HEG1: variants seen among roughly 807,000 people sequenced by gnomAD.
HEG1 encodes the protein heart development protein with EGF like domains 1.
HEG1 carries 56 observed loss-of-function variants against 125.6 expected under a neutral mutation model. That is an observed-to-expected ratio of 0.45 (90% CI 0.36 to 0.56). The LOEUF is 0.56. HEG1 is among the 20% of genes least tolerant of loss of function. The pLI, the probability that HEG1 is intolerant of heterozygous loss-of-function variation, is 0.00. For synonymous variants in HEG1, 644 were observed against 668.5 expected, an observed-to-expected ratio of 0.96 and a Z score of 0.57; for missense variants, 1,523 against 1,670.0, an observed-to-expected ratio of 0.91 and a Z score of 1.53.
intron 12 of HEG1, among the ~76,000 whole-genome samples, chr3:124,992,338 C>T (rs1432869503): frequency 6.6e-6 from 1 of 152,076 alleles, no homozygotes; most frequent in African/African-American, 2.4e-5. Context: ...AGAACATTTT[C>T]AACACAACAA....
rs1190258593 is a variant in HEG1, at chr3:124,977,880, G to A, written c.3800C>T (p.Ala1267Val). The change falls in exon 15 of 17, where the codon GCA (alanine) becomes GTA (valine). Residue 1267 changes from alanine (A) to valine (V), a missense_variant. Physicochemically the swap from Ala to Val is moderately conservative, Grantham distance 64. Coordinates refer to ENST00000311127, the MANE Select transcript of HEG1 (RefSeq NM_020733.2). ...GGGLLLILGI[A>V]LIVTCCRKNK... The stretch of plus-strand genomic sequence containing the variant: ...TTACCTGCAACAGGTAACAATCAGT[G>A]CGATGCCTAGGATGAGCAGGAGCCC... 1.3e-6 allele frequency: 2 copies of A among 1,575,326 alleles called. No individual in the cohort carries two copies. The highest frequency in any genetic ancestry group is 2.3e-5 in the South Asian group (2 of 85,396).
chr3:125,034,059 A>G (rs954734429), intron 1 of HEG1, among the ~76,000 whole-genome samples: 10 of 151,882 alleles, frequency 6.6e-5, no homozygotes, highest in African/African-American at 2.4e-4. Context: ...TATATCTCCA[A>G]TACACACACA....
At chr3:125,051,820 T>A (rs1374511514) in intron 1 of HEG1, among the ~76,000 whole-genome samples, 2 of 152,208 alleles carry the variant, frequency 1.3e-5, no homozygotes, top group South Asian at 2.1e-4. Context: ...TCTTTCTGAG[T>A]GTCTCTGGAC....
In HEG1 at chr3:125,055,806, C is replaced by G. The variant is rs1470305508; in HGVS notation, c.85G>C (p.Gly29Arg). The G allele has an allele frequency of 1.0e-6, 1 of 983,078 alleles. No homozygotes were observed. The highest frequency in any genetic ancestry group is 1.2e-6 in the Non-Finnish European group (1 of 829,080). The allele number at this position is 983,078 out of a possible 1,614,324, so 60.9% of individuals were successfully genotyped here. A position where few individuals can be genotyped will look rare whatever the true frequency, so the allele number is the denominator to read the frequency against. The change falls in exon 1 of 17, where the codon GGG becomes CGG. Residue 29 changes from glycine to arginine, a missense_variant. By Grantham distance (125) the Gly-to-Arg change is moderately radical. Coordinates refer to ENST00000311127, the MANE Select transcript of HEG1 (RefSeq NM_020733.2). ...PLLLLPPAAP[G>R]TRDPPPSPAR... The stretch of plus-strand genomic sequence containing the variant: ...GGGGAAGGCGGCGGGTCCCGCGTCC[C>G]GGGGGCCGCCGGCGGCAGCAGCAGC...
chr3:125,019,094 C>T (rs1036315522), intron 5 of HEG1, among the ~76,000 whole-genome samples, 168 bp downstream of exon 5: 2 of 152,088 alleles, frequency 1.3e-5, no homozygotes, highest in Non-Finnish European at 2.9e-5. Context: ...TCTTGAACCC[C>T]TCACCTCAGA....
chr3:125,040,336 A>C (rs916306234), intron 1 of HEG1, among the ~76,000 whole-genome samples: 6 of 152,178 alleles, frequency 3.9e-5, no homozygotes, highest in Non-Finnish European at 7.3e-5. Flanking sequence ...CGCAGATGAC[A>C]AGGGAAGGAT....
At chr3:125,044,648 C>G (rs1467958263) in intron 1 of HEG1, among the ~76,000 whole-genome samples, 1 of 152,066 alleles carries the variant, frequency 6.6e-6, no homozygotes, top group Non-Finnish European at 1.5e-5. Flanking sequence ...AAAACTGGAT[C>G]CAAACCCAGG....
intron 3 of HEG1, among the ~76,000 whole-genome samples, chr3:125,024,609 A>C (rs1937388947): frequency 6.6e-6 from 1 of 152,260 alleles, no homozygotes; most frequent in Admixed American, 6.5e-5. Context: ...TCTCTTTTTA[A>C]AAATCTGATT....
At chr3:125,034,508 T>C (rs1327571562) in intron 1 of HEG1, among the ~76,000 whole-genome samples, 6 of 152,182 alleles carry the variant, frequency 3.9e-5, no homozygotes, top group Admixed American at 3.9e-4. Context: ...TAGAAAATAA[T>C]TATAATTCAC....
Position 125,012,737 on chromosome 3 carries a change from G to A in HEG1, c.2842C>T (p.Pro948Ser), listed in dbSNP as rs565291346. 6 of 1,614,010 alleles carry A rather than the reference G, an allele frequency of 3.7e-6. No homozygotes were observed. The East Asian group carries it at 1.3e-4, about 36-fold the overall frequency. Reference protein sequence around the residue: ...SPASRSLGTSPSPQTTVVSTA... With the variant: ...SPASRSLGTSSSPQTTVVSTA... ...GAAACAACTGTGGTTTGGGGAGAAG[G>A]AGATGTTCCGAGGGAACGTGAAGCT... The change falls in exon 6 of 17, where the codon CCT becomes TCT. Residue 948 changes from proline to serine, a missense_variant. Transcript: ENST00000311127.
Position 125,001,854 on chromosome 3 carries a change from C to T in HEG1, c.3515G>A (p.Arg1172Lys), listed in dbSNP as rs755626432. Reference sequence around the variant, plus strand: ...CTCCCAGAGGGCTGCCCTCTTACCTCTAAAGATCCGCCTCTGAGATCCCAA... The same window carrying T: ...CTCCCAGAGGGCTGCCCTCTTACCTTTAAAGATCCGCCTCTGAGATCCCAA... ...QLLGSQRRIFRAGSLCKRKSP... is the reference protein window; with the variant it reads ...QLLGSQRRIFKAGSLCKRKSP... The change falls in exon 11 of 17, where the codon AGA becomes AAA. Residue 1172 changes from arginine (R) to lysine (K), a missense_variant and splice_region_variant. Coordinates refer to ENST00000311127, the MANE Select transcript of HEG1 (RefSeq NM_020733.2). 8 of 1,612,382 alleles carry T rather than the reference C, an allele frequency of 5.0e-6. No homozygotes were observed. The Admixed American group carries it at 1.3e-4, about 27-fold the overall frequency.
chr3:125,055,914 A>C lies in HEG1; in HGVS notation c.-24T>G. ...ATGGTGACGGCGCCCGCCCGCGCTC[A>C]CATGCCCGGCGCGCGGGGCGAGGGC... On this transcript the variant is annotated 5_prime_UTR_variant, in exon 1 of 17. The change abolishes the stop of an existing upstream ORF in the 5' untranslated region. Coordinates refer to ENST00000311127, the MANE Select transcript of HEG1 (RefSeq NM_020733.2). 1 of 973,966 alleles carries C rather than the reference A, an allele frequency of 1.0e-6. No homozygotes were observed. The highest frequency in any genetic ancestry group is 1.2e-6 in the Non-Finnish European group (1 of 824,082). 60.3% of individuals were successfully genotyped at this position (973,966 alleles called of 1,614,324 possible). A position where few individuals can be genotyped will look rare whatever the true frequency, so the allele number is the denominator to read the frequency against.
At chr3:124,971,575 C>G (rs915841347) in intron 16 of HEG1, among the ~76,000 whole-genome samples, 4 of 151,900 alleles carry the variant, frequency 2.6e-5, no homozygotes, top group Non-Finnish European at 4.4e-5. Flanking sequence ...CATTGCAACC[C>G]CTGCCTCCTG....
chr3:124,981,124 C>T (rs1027826985), intron 14 of HEG1, among the ~76,000 whole-genome samples: 1 of 152,114 alleles, frequency 6.6e-6, no homozygotes, highest in African/African-American at 2.4e-5. Context: ...CAGGTGTGAG[C>T]CACTGCGCCC....
At chr3:125,043,420 G>GTT (rs60228985) in intron 1 of HEG1, among the ~76,000 whole-genome samples, 4,187 of 149,116 alleles carry the variant, frequency 0.028, 175 homozygotes, top group African/African-American at 0.093. Context: ...AATTCTATAG[G>GTT]TTTTTTTTTT....
At chr3:125,054,682 T>A (rs1937890714) in intron 1 of HEG1, among the ~76,000 whole-genome samples, 1 of 152,240 alleles carries the variant, frequency 6.6e-6, no homozygotes, top group Admixed American at 6.5e-5. Flanking sequence ...CGTTGCTGAC[T>A]TTGTTCAAAG....
At chr3:125,018,962 GTTCAAACGA>G (rs988375125) in intron 5 of HEG1, among the ~76,000 whole-genome samples, 3 of 151,422 alleles carry the variant, frequency 2.0e-5, no homozygotes, top group African/African-American at 7.3e-5. Flanking sequence ...CACCTCCTGG[GTTCAAACGA>G]TTCTCCTGCC....
intron 14 of HEG1, among the ~76,000 whole-genome samples, chr3:124,979,148 C>T (rs9836224): frequency 0.31 from 47,551 of 151,732 alleles, 7,501 homozygotes; most frequent in Non-Finnish European, 0.33. Context: ...GACGAGGTTT[C>T]GCAATGTTGG....
At chr3:125,014,440 T>C (rs1291978461) in intron 5 of HEG1, among the ~76,000 whole-genome samples, 1 of 151,992 alleles carries the variant, frequency 6.6e-6, no homozygotes, top group Non-Finnish European at 1.5e-5. Flanking sequence ...TCCCAGGAGA[T>C]TGACCTTAGC....
Sources: gnomAD v4.1 joint callset for allele counts (sites outside exome capture counted in the v4.1 genomes callset) on GRCh38, gnomAD v4.1.1 for gene constraint, MANE v1.5 for transcripts, NCBI Gene and HGNC (gene_info 2026-07-23, HGNC 2026-07-21) for gene names.